Variants in CPNE2 observed in about 807,000 individuals in gnomAD.
CPNE2 encodes copine-2.
CPNE2 carries 42 observed loss-of-function variants against 69.7 expected under a neutral mutation model. That is an observed-to-expected ratio of 0.60 (90% CI 0.47 to 0.78). CPNE2 has a LOEUF of 0.78. Ranked by LOEUF, CPNE2 falls within the 30% of genes least tolerant of loss-of-function variation. The pLI, the probability that CPNE2 is intolerant of heterozygous loss-of-function variation, is 0.00. For synonymous variants in CPNE2, 294 were observed against 289.8 expected (o/e 1.01, Z -0.15); for missense variants, 587 against 732.0 (o/e 0.80, Z 2.29).
intron 11 of CPNE2, among the ~76,000 whole-genome samples, chr16:57,127,370 G>A (rs577980107): frequency 1.3e-5 from 2 of 152,302 alleles, no homozygotes; most frequent in South Asian, 4.2e-4. Flanking sequence ...AGGGGAGTGG[G>A]GTGTGAAGGG....
Position 57,110,812 on chromosome 16 carries a change from T to G in CPNE2, c.70T>G (p.Cys24Gly), listed in dbSNP as rs2069676636. 1.2e-6 allele frequency: 2 copies of G among 1,613,878 alleles called. No individual in the cohort carries two copies. Among genetic ancestry groups the G allele is most frequent in the South Asian group, 1.1e-5 (1 of 91,076 alleles). Reference sequence around the variant, plus strand: ...CCCCATGGGCCCCCAGTATTGCGTGTGCAAGGTGGAGCTGTCAGTGAGTGG... The same window carrying G: ...CCCCATGGGCCCCCAGTATTGCGTGGGCAAGGTGGAGCTGTCAGTGAGTGG... ...AAPMGPQYCV[C>G]KVELSVSGQN... Residue 24 changes from cysteine to glycine, a missense_variant, in exon 2 of 16, where the codon TGC (cysteine) becomes GGC (glycine). Cys to Gly is a radical substitution (Grantham distance 159, BLOSUM62 -3). Transcript: ENST00000290776.
chr16:57,112,374 G>A (rs544832455), intron 2 of CPNE2, among the ~76,000 whole-genome samples: 1 of 152,170 alleles, frequency 6.6e-6, no homozygotes, highest in African/African-American at 2.4e-5. Flanking sequence ...ACCCTTGAGT[G>A]CCCCGAGGGA....
intron 2 of CPNE2, among the ~76,000 whole-genome samples, chr16:57,112,381 G>C (rs772608073): frequency 4.6e-5 from 7 of 152,092 alleles, no homozygotes; most frequent in African/African-American, 1.7e-4. Flanking sequence ...AGTGCCCCGA[G>C]GGAGTGGTAT....
rs757123713 is a variant in CPNE2 at position 57,137,245 on chromosome 16, G to A, written c.1265G>A (p.Arg422Gln). Residue 422 changes from arginine to glutamine, a missense_variant, in exon 14 of 16, where the codon CGG (arginine) becomes CAG (glutamine). Arg to Gln is a conservative substitution (Grantham distance 43). Around this residue, in one of 5 missense-constraint regions of CPNE2, gnomAD observed 185 missense variants for 252.3 expected, o/e 0.73. Coordinates refer to ENST00000290776, the MANE Select transcript of CPNE2 (RefSeq NM_152727.6). ...TCCCCCATCGTCAACCACGTGGCCC[G>A]GTTTGCGGCCCAGGCCACACAACAG... is the stretch of plus-strand genomic sequence containing the variant. ...NFSPIVNHVARFAAQATQQRT... is the reference protein window; with the variant it reads ...NFSPIVNHVAQFAAQATQQRT... 28 of 1,614,088 alleles carry A rather than the reference G, an allele frequency of 1.7e-5. No individual in the cohort carries two copies. The highest frequency in any genetic ancestry group is 1.3e-4 in the South Asian group (12 of 91,090).
chr16:57,106,268 C>T (rs2069647965), intron 1 of CPNE2: 1 of 152,422 alleles, frequency 6.6e-6, no homozygotes. Flanking sequence ...TGAGCCGATC[C>T]AGGTGGAGTT....
chr16:57,124,417 C>A (rs528287798), intron 10 of CPNE2: 1 of 456,194 alleles, frequency 2.2e-6, no homozygotes, highest in South Asian at 1.6e-5. Flanking sequence ...ACTTGCCGCC[C>A]CGAGATTCAT....
intron 1 of CPNE2, among the ~76,000 whole-genome samples, chr16:57,102,114 A>ATT (rs79474295): frequency 2.7e-5 from 4 of 150,256 alleles, no homozygotes; most frequent in Admixed American, 1.3e-4. Flanking sequence ...TGCCCAGCTA[A>ATT]TTTTTTTTTG....
chr16:57,135,306 A>C (rs2145275946), intron 13 of CPNE2, among the ~76,000 whole-genome samples: 1 of 152,194 alleles, frequency 6.6e-6, no homozygotes, highest in Admixed American at 6.5e-5. Context: ...CTGGGAAGTG[A>C]GTATGGTGTC....
intron 12 of CPNE2, 46 bp downstream of exon 12, chr16:57,127,949 G>C (rs776653276): frequency 1.9e-6 from 3 of 1,589,768 alleles, no homozygotes; most frequent in South Asian, 2.2e-5. Flanking sequence ...GATGGGGTTT[G>C]TGTGTGTGGC....
At chr16:57,100,331 G>A (rs1297552103) in intron 1 of CPNE2, among the ~76,000 whole-genome samples, 1 of 152,238 alleles carries the variant, frequency 6.6e-6, no homozygotes. Flanking sequence ...TGCTGAAACT[G>A]TGTGTGGCAA....
intron 2 of CPNE2, 104 bp from the exon 3 acceptor site, chr16:57,113,184 A>ATTGTACAAGTAG (rs2069692621): frequency 1.9e-6 from 2 of 1,064,722 alleles, no homozygotes; most frequent in Non-Finnish European, 2.8e-6. Context: ...AGAGCCTGGC[A>ATTGTACAAGTAG]CAGAGTAGGC....
intron 12 of CPNE2, 43 bp from the exon 13 acceptor site, chr16:57,134,732 T>TG (rs1300103312): frequency 6.2e-7 from 1 of 1,610,604 alleles, no homozygotes; most frequent in Non-Finnish European, 8.5e-7. Context: ...GGTCTGGGTT[T>TG]GGGGGCGGGA....
intron 14 of CPNE2, among the ~76,000 whole-genome samples, chr16:57,137,922 C>G (rs1331266999): frequency 1.3e-5 from 2 of 152,228 alleles, no homozygotes; most frequent in African/African-American, 4.8e-5. Flanking sequence ...CCCATTTCCA[C>G]CATGACCTGC....
At chr16:57,114,967 C>T (rs1323071358) in intron 3 of CPNE2, among the ~76,000 whole-genome samples, 4 of 128,738 alleles carry the variant, frequency 3.1e-5, no homozygotes, top group Non-Finnish European at 4.8e-5. Flanking sequence ...AAAAGCCAGG[C>T]GTGGTGATGC....
At chr16:57,115,385 C>G (rs767285582) in intron 3 of CPNE2, 91 bp from the exon 4 acceptor site, 5 of 1,065,934 alleles carry the variant, frequency 4.7e-6, no homozygotes, top group Non-Finnish European at 7.2e-6. Context: ...GCAGCCCTGC[C>G]AAGAGGATTT....
chr16:57,127,810 A>G (rs1306361463), intron 11 of CPNE2, 39 bp from the exon 12 acceptor site: 6 of 1,606,668 alleles, frequency 3.7e-6, no homozygotes, highest in Non-Finnish European at 5.1e-6. Flanking sequence ...TGGTGTCCTC[A>G]GGTGTCTTAC....
chr16:57,117,397 C>G, intron 4 of CPNE2, 99 bp from the exon 5 acceptor site: 2 of 1,238,352 alleles, frequency 1.6e-6, no homozygotes. Flanking sequence ...TCCCTTCCCC[C>G]TCCTAGCCCT....
chr16:57,126,790 C>T (rs2069804290), intron 11 of CPNE2, among the ~76,000 whole-genome samples: 1 of 152,188 alleles, frequency 6.6e-6, no homozygotes, highest in African/African-American at 2.4e-5. Flanking sequence ...TGGAAGTCAT[C>T]ATCAGCATGG....
chr16:57,111,047 G>A, intron 2 of CPNE2, 125 bp downstream of exon 2: 1 of 612,186 alleles, frequency 1.6e-6, no homozygotes, highest in Non-Finnish European at 2.5e-6. Context: ...TGGTGGCAGG[G>A]GATTACTTGG....
Sources: gnomAD v4.1 joint callset for allele counts (sites outside exome capture counted in the v4.1 genomes callset) on GRCh38, gnomAD v4.1.1 for gene constraint, gnomAD v4.1.1 regional missense constraint, MANE v1.5 for transcripts, NCBI Gene and HGNC (gene_info 2026-07-23, HGNC 2026-07-21) for gene names.